Variants in CNTNAP5 observed in about 807,000 individuals in gnomAD.
CNTNAP5 encodes contactin-associated protein-like 5.
CNTNAP5 carries 72 observed loss-of-function variants against 150.2 expected under a neutral mutation model. That is an observed-to-expected ratio of 0.48 (90% CI 0.40 to 0.58). The LOEUF (loss-of-function observed/expected upper bound fraction) is 0.58, where lower values mean the gene tolerates loss of function less well. Among genes scored for constraint, CNTNAP5 ranks in the 20% least tolerant of loss-of-function variants. The probability of loss-of-function intolerance (pLI) is 0.00; values close to 1 mark genes in which losing one functional copy is unlikely to be tolerated. For synonymous variants in CNTNAP5, 672 were observed against 619.8 expected, an observed-to-expected ratio of 1.08 and a Z score of -1.25; for missense variants, 1,636 against 1,626.2, an observed-to-expected ratio of 1.01 and a Z score of -0.10.
chr2:124,181,023 G>T (rs1685195234), intron 1 of CNTNAP5, among the ~76,000 whole-genome samples: 1 of 150,716 alleles, frequency 6.6e-6, no homozygotes, highest in Non-Finnish European at 1.5e-5. Context: ...GGGAGTTTGA[G>T]AAAAGCCAGA....
In CNTNAP5 at chr2:124,669,798, G is replaced by A. The variant is rs79001245; in HGVS notation, c.2077+21840G>A. ...TTTTCCCATACTTTCTGATAAAAAC[G>A]TTCCTAATCCAACTGGCTATCATTG... On this transcript the variant is annotated intron_variant, in intron 13 of 23. Transcript: ENST00000682447. Among the ~76,000 whole-genome samples, 843 of 152,230 alleles carry A rather than the reference G, an allele frequency of 5.5e-3. 49 individuals are homozygous for A. The East Asian group carries it at 0.12, about 22-fold the overall frequency.
At chr2:124,158,632 T>A (rs2104645451) in intron 1 of CNTNAP5, among the ~76,000 whole-genome samples, 1 of 152,298 alleles carries the variant, frequency 6.6e-6, no homozygotes, top group East Asian at 1.9e-4. Context: ...GCCAGACAGG[T>A]TAGCATGTCC....
chr2:124,859,442 C>T (rs1169052314), intron 19 of CNTNAP5, among the ~76,000 whole-genome samples: 1 of 152,170 alleles, frequency 6.6e-6, no homozygotes, highest in Non-Finnish European at 1.5e-5. Context: ...GAAATAGGAA[C>T]ACTTTTACAC....
At chr2:124,029,631 T>G (rs1052070457) in intron 1 of CNTNAP5, among the ~76,000 whole-genome samples, 8 of 152,084 alleles carry the variant, frequency 5.3e-5, no homozygotes, top group Non-Finnish European at 1.0e-4. Context: ...TGAATGACTA[T>G]CCTCTAAATT....
intron 11 of CNTNAP5, among the ~76,000 whole-genome samples, chr2:124,570,124 C>G (rs1012001461): frequency 1.3e-5 from 2 of 152,128 alleles, no homozygotes; most frequent in African/African-American, 4.8e-5. Context: ...CCCAGGGTCT[C>G]CAGCCTCTGA....
intron 1 of CNTNAP5, among the ~76,000 whole-genome samples, chr2:124,092,545 T>C (rs1325535684): frequency 6.6e-6 from 1 of 152,194 alleles, no homozygotes. Context: ...CAGATGAGTT[T>C]AGTGAGGCAC....
intron 11 of CNTNAP5, among the ~76,000 whole-genome samples, chr2:124,588,605 T>C (rs1428960220): frequency 6.6e-6 from 1 of 152,170 alleles, no homozygotes; most frequent in Non-Finnish European, 1.5e-5. Context: ...TGAGCTTGCT[T>C]ATGTATTTAT....
intron 3 of CNTNAP5, among the ~76,000 whole-genome samples, chr2:124,365,101 A>G (rs1690335643): frequency 6.6e-6 from 1 of 152,178 alleles, no homozygotes; most frequent in Admixed American, 6.6e-5. Flanking sequence ...AGGAGGGATG[A>G]GGCATTTGAG....
At chr2:124,250,712 C>T (rs991282261) in intron 3 of CNTNAP5, among the ~76,000 whole-genome samples, 2 of 151,662 alleles carry the variant, frequency 1.3e-5, no homozygotes, top group Non-Finnish European at 2.9e-5. Flanking sequence ...GGTCAAATTT[C>T]GAGGCCCCAG....
chr2:124,870,458 T>C (rs1677721285), intron 21 of CNTNAP5, among the ~76,000 whole-genome samples: 1 of 151,118 alleles, frequency 6.6e-6, no homozygotes, highest in South Asian at 2.1e-4. Flanking sequence ...AACATACTGC[T>C]AGATTTTATT....
chr2:124,616,574 G>A (rs929719360), intron 12 of CNTNAP5, among the ~76,000 whole-genome samples: 1 of 152,152 alleles, frequency 6.6e-6, no homozygotes, highest in African/African-American at 2.4e-5. Flanking sequence ...CACTGAAGTA[G>A]CATTTTAATT....
At chr2:124,786,834 TA>T (rs1399899062) in intron 17 of CNTNAP5, among the ~76,000 whole-genome samples, 1 of 152,172 alleles carries the variant, frequency 6.6e-6, no homozygotes, top group Non-Finnish European at 1.5e-5. Flanking sequence ...GGGCCGCTTT[TA>T]AAAAATTATT....
chr2:124,452,359 C>T (rs1693004873), intron 6 of CNTNAP5, among the ~76,000 whole-genome samples: 1 of 152,078 alleles, frequency 6.6e-6, no homozygotes, highest in Admixed American at 6.5e-5. Flanking sequence ...GGGAACCTCA[C>T]CCTAATCCTC....
At chr2:124,496,340 T>G (rs1444124206) in intron 7 of CNTNAP5, among the ~76,000 whole-genome samples, 2 of 152,152 alleles carry the variant, frequency 1.3e-5, no homozygotes, top group Admixed American at 1.3e-4. Context: ...TAGAAATGGT[T>G]GTACTCATTT....
At chr2:124,299,519 C>T (rs1318499168) in intron 3 of CNTNAP5, among the ~76,000 whole-genome samples, 1 of 152,182 alleles carries the variant, frequency 6.6e-6, no homozygotes, top group Admixed American at 6.6e-5. Context: ...GACATGATCT[C>T]ATTCTTTTTT....
At chr2:124,706,795 A>AAGGAGGAGGAGG (rs1192390906) in intron 13 of CNTNAP5, among the ~76,000 whole-genome samples, 1 of 18,878 alleles carries the variant, frequency 5.3e-5, no homozygotes, top group Non-Finnish European at 1.0e-4. Flanking sequence ...GAAGAAGAAG[A>AAGGAGGAGGAGG]AGGAGGAGGA....
chr2:124,486,775 T>C (rs927111942), intron 7 of CNTNAP5, among the ~76,000 whole-genome samples: 2 of 152,350 alleles, frequency 1.3e-5, no homozygotes, highest in East Asian at 3.9e-4. Context: ...TTTGTCATTA[T>C]GTATATGCTC....
intron 3 of CNTNAP5, among the ~76,000 whole-genome samples, chr2:124,258,889 G>A (rs1207481251): frequency 1.3e-5 from 2 of 151,732 alleles, no homozygotes; most frequent in African/African-American, 4.8e-5. Flanking sequence ...TAAGTTTTAG[G>A]GTACATGTGC....
At chr2:124,218,885 T>C (rs755117594) in intron 1 of CNTNAP5, among the ~76,000 whole-genome samples, 2 of 152,186 alleles carry the variant, frequency 1.3e-5, no homozygotes, top group Non-Finnish European at 2.9e-5. Flanking sequence ...TTTATTTGTT[T>C]ACATCTCTAT....
Sources: gnomAD v4.1 joint callset for allele counts (sites outside exome capture counted in the v4.1 genomes callset) on GRCh38, gnomAD v4.1.1 for gene constraint, MANE v1.5 for transcripts, NCBI Gene and HGNC (gene_info 2026-07-23, HGNC 2026-07-21) for gene names.